The following FTO variants were observed in gnomAD, a reference collection of about 807,000 sequenced individuals.
FTO encodes alpha-ketoglutarate-dependent dioxygenase FTO.
In FTO, 47 loss-of-function variants were observed where a neutral mutation model predicts 63.9. That is an observed-to-expected ratio of 0.74 (90% CI 0.58 to 0.94). The LOEUF (loss-of-function observed/expected upper bound fraction) is 0.94, where lower values mean the gene tolerates loss of function less well. Among genes scored for constraint, FTO ranks in the 40% least tolerant of loss-of-function variants. The pLI is 0.00. For missense variants in FTO, 562 were observed against 618.1 expected, an observed-to-expected ratio of 0.91 and a Z score of 0.96; for synonymous variants, 207 against 224.4, an observed-to-expected ratio of 0.92 and a Z score of 0.69.
At chr16:54,081,937 G>A (rs1483233021) in intron 8 of FTO, among the ~76,000 whole-genome samples, 1 of 152,168 alleles carries the variant, frequency 6.6e-6, no homozygotes, top group Non-Finnish European at 1.5e-5. Context: ...TCGTTCAACA[G>A]GCATTTTAGT....
chr16:54,011,938 A>G (rs2144082326), intron 8 of FTO, among the ~76,000 whole-genome samples: 1 of 152,274 alleles, frequency 6.6e-6, no homozygotes, highest in East Asian at 1.9e-4. Flanking sequence ...CTATTCCTTG[A>G]GACACAACAG....
intron 1 of FTO, among the ~76,000 whole-genome samples, chr16:53,793,634 C>T (rs532955653): frequency 6.6e-6 from 1 of 152,108 alleles, no homozygotes; most frequent in Non-Finnish European, 1.5e-5. Flanking sequence ...GTGAACTCTG[C>T]TAGGGACTAA....
intron 5 of FTO, among the ~76,000 whole-genome samples, chr16:53,877,667 T>G (rs1244817197): frequency 1.3e-5 from 2 of 152,042 alleles, no homozygotes; most frequent in East Asian, 3.9e-4. Context: ...GAAACAACAT[T>G]GCATTATATG....
intron 1 of FTO, among the ~76,000 whole-genome samples, chr16:53,709,959 T>C (rs540514284): frequency 2.0e-5 from 3 of 152,272 alleles, no homozygotes; most frequent in East Asian, 3.9e-4. Context: ...TCATCCAAAG[T>C]CCATATTCAA....
chr16:53,884,917 C>T (rs1366404955), intron 6 of FTO, among the ~76,000 whole-genome samples: 5 of 152,148 alleles, frequency 3.3e-5, no homozygotes, highest in Non-Finnish European at 7.3e-5. Context: ...ATGTGTCACC[C>T]GTGGAATGTT....
At chr16:53,908,239 C>T (rs1246986746) in intron 7 of FTO, among the ~76,000 whole-genome samples, 2 of 152,152 alleles carry the variant, frequency 1.3e-5, no homozygotes, top group African/African-American at 2.4e-5. Flanking sequence ...GTCAGATTTT[C>T]GTTGTCAGGG....
chr16:54,103,918 C>A (rs1280078264), intron 8 of FTO, among the ~76,000 whole-genome samples: 1 of 152,120 alleles, frequency 6.6e-6, no homozygotes, highest in Non-Finnish European at 1.5e-5. Flanking sequence ...AATGGAGTGT[C>A]CTCTTCCATG....
chr16:53,809,080 T>C (rs940231135), intron 1 of FTO, among the ~76,000 whole-genome samples: 2 of 152,218 alleles, frequency 1.3e-5, no homozygotes, highest in Non-Finnish European at 1.5e-5. Flanking sequence ...AGGTGCCCTA[T>C]ATGTATCTGA....
intron 3 of FTO, among the ~76,000 whole-genome samples, chr16:53,834,308 G>A (rs1195705264): frequency 6.6e-6 from 1 of 152,176 alleles, no homozygotes; most frequent in Non-Finnish European, 1.5e-5. Context: ...ATAGGCGTGA[G>A]CCACCGCGCC....
Position 53,719,110 on chromosome 16 carries a change from G to C in FTO, c.45+14881G>C, listed in dbSNP as rs903334830. On this transcript the variant is annotated intron_variant, in intron 1 of 8. Coordinates refer to ENST00000471389, the MANE Select transcript of FTO (RefSeq NM_001080432.3). ...TTTTGTGCTTTCTTTTGTCAAATTT[G>C]GTATCGTATTATGCTAGTATCATAA... 4.0e-5 allele frequency among the ~76,000 whole-genome samples: 6 copies of C among 150,128 alleles called. No homozygotes were observed. The East Asian group carries it at 9.7e-4, about 24-fold the overall frequency.
At chr16:53,788,640 C>A (rs1490733123) in intron 1 of FTO, among the ~76,000 whole-genome samples, 7 of 151,184 alleles carry the variant, frequency 4.6e-5, no homozygotes, top group African/African-American at 1.7e-4. Context: ...CTTTTTCATG[C>A]CCAACCTCTA....
chr16:53,966,053 A>C (rs369914062), intron 8 of FTO, among the ~76,000 whole-genome samples: 1 of 152,080 alleles, frequency 6.6e-6, no homozygotes, highest in Non-Finnish European at 1.5e-5. Context: ...TTTTTAGTAG[A>C]GATGGGGTTT....
At chr16:53,849,153 C>T (rs1243416854) in intron 4 of FTO, among the ~76,000 whole-genome samples, 1 of 152,156 alleles carries the variant, frequency 6.6e-6, no homozygotes, top group Non-Finnish European at 1.5e-5. Flanking sequence ...ATCAGGTAAC[C>T]AGGTCCCAGA....
intron 8 of FTO, among the ~76,000 whole-genome samples, chr16:54,103,652 C>A (rs566393701): frequency 5.3e-5 from 8 of 152,302 alleles, no homozygotes; most frequent in Non-Finnish European, 1.0e-4. Flanking sequence ...TTGATAAAGC[C>A]ACCTTTGTCC....
intron 8 of FTO, among the ~76,000 whole-genome samples, chr16:53,978,797 G>A (rs1427548158): frequency 1.3e-5 from 2 of 152,102 alleles, no homozygotes; most frequent in African/African-American, 4.8e-5. Flanking sequence ...AGGAGTTTGA[G>A]ACCAGCCTGG....
chr16:53,812,640 AT>A (rs745717254), intron 2 of FTO, among the ~76,000 whole-genome samples: 36 of 152,274 alleles, frequency 2.4e-4, no homozygotes, highest in Admixed American at 2.1e-3. Context: ...CCAATAGTTA[AT>A]TTGGAAAACC....
intron 4 of FTO, among the ~76,000 whole-genome samples, chr16:53,845,920 C>T (rs2079604693): frequency 2.0e-5 from 3 of 152,152 alleles, no homozygotes; most frequent in Admixed American, 2.0e-4. Flanking sequence ...GGGGAGATTC[C>T]TGCATTTCTT....
chr16:53,925,015 T>C (rs2082104037), intron 7 of FTO, among the ~76,000 whole-genome samples: 1 of 151,450 alleles, frequency 6.6e-6, no homozygotes, highest in Non-Finnish European at 1.5e-5. Context: ...GGACTAAGGC[T>C]ATCTCAGTGG....
At chr16:53,930,369 A>G (rs4602033) in intron 7 of FTO, among the ~76,000 whole-genome samples, 72,353 of 150,274 alleles carry the variant, frequency 0.48, 19,883 homozygotes, top group African/African-American at 0.76. Flanking sequence ...GACTACGGGC[A>G]CCTGCCACCA....
Sources: allele counts gnomAD v4.1 joint callset (sites outside exome capture counted in the v4.1 genomes callset), GRCh38; gene constraint gnomAD v4.1.1; transcripts MANE v1.5; gene names NCBI Gene and HGNC (gene_info 2026-07-23, HGNC 2026-07-21).